Variants in NEBL observed in about 807,000 individuals in gnomAD.
NEBL encodes the protein nebulette.
A neutral mutation model predicts 140.2 loss-of-function variants in NEBL; 122 were observed. The ratio of observed to expected loss-of-function variants is 0.87; its 90% CI spans 0.75 to 1.01. The LOEUF is 1.01. Ranked by LOEUF, NEBL falls within the 50% of genes least tolerant of loss-of-function variation. The pLI, the probability that NEBL is intolerant of heterozygous loss-of-function variation, is 0.00. For synonymous variants in NEBL, 436 were observed against 398.9 expected (o/e 1.09, Z -1.11); for missense variants, 1,365 against 1,231.3 (o/e 1.11, Z -1.62).
At chr10:21,281,560 G>A (rs1445287295) in intron 1 of NEBL, among the ~76,000 whole-genome samples, 5 of 151,616 alleles carry the variant, frequency 3.3e-5, no homozygotes, top group African/African-American at 1.2e-4. Context: ...AATGTGCAGA[G>A]TTCCCGCACA....
intron 3 of NEBL, among the ~76,000 whole-genome samples, chr10:21,200,604 G>A (rs923614975): frequency 3.9e-5 from 6 of 152,100 alleles, no homozygotes; most frequent in Non-Finnish European, 8.8e-5. Context: ...GTGAGCCACC[G>A]CGCCCAACCC....
At chr10:21,192,570 C>T (rs532855847) in intron 3 of NEBL, among the ~76,000 whole-genome samples, 2 of 150,426 alleles carry the variant, frequency 1.3e-5, no homozygotes, top group Non-Finnish European at 3.0e-5. Context: ...TCTGGCCAGG[C>T]GTTGTGGCTC....
exon 1 of NEBL, chr10:21,174,083 T>A: frequency 3.9e-6 from 4 of 1,034,986 alleles, no homozygotes; most frequent in Non-Finnish European, 3.5e-6. Context: ...TCCGCGCCGC[T>A]GGCTCTGCGT....
intron 3 of NEBL, among the ~76,000 whole-genome samples, chr10:21,014,085 C>A (rs983202809): frequency 6.6e-6 from 1 of 152,066 alleles, no homozygotes; most frequent in African/African-American, 2.4e-5. Context: ...ATTCTCTCTG[C>A]AGGTCTTGTT....
Position 21,227,815 on chromosome 10 carries a change from GTTC to G in NEBL, n.348+20103_348+20105del, listed in dbSNP as rs764400473. ...CTTTCTTCTTCTTCTTCTTCTTCTT[GTTC>G]TTCTTCTTCTTTCTTCTTCTTCTTT... On this transcript the variant is annotated intron_variant and non_coding_transcript_variant, in intron 3 of 8. Transcript: ENST00000675702. 1.0e-3 allele frequency among the ~76,000 whole-genome samples: 130 copies of G among 124,960 alleles called. 1 individual carries two copies. The highest frequency in any genetic ancestry group is 2.7e-3 in the African/African-American group (88 of 32,132). 82.0% of individuals were successfully genotyped at this position (124,960 alleles called of 152,430 possible).
chr10:21,284,371 A>G (rs927482213), intron 1 of NEBL, among the ~76,000 whole-genome samples: 3 of 152,064 alleles, frequency 2.0e-5, no homozygotes, highest in African/African-American at 7.2e-5. Flanking sequence ...CACCGTCCCA[A>G]CTTGGCTCTT....
intron 2 of NEBL, among the ~76,000 whole-genome samples, chr10:21,152,027 G>C (rs1347826317): frequency 6.6e-6 from 1 of 152,174 alleles, no homozygotes; most frequent in Non-Finnish European, 1.5e-5. Flanking sequence ...CATAGGACAG[G>C]CTCTTTCAAT....
intron 2 of NEBL, among the ~76,000 whole-genome samples, chr10:21,059,066 G>T (rs2131872684): frequency 6.6e-6 from 1 of 152,302 alleles, no homozygotes; most frequent in Non-Finnish European, 1.5e-5. Context: ...TGATTTAAAA[G>T]ATTACATATT....
intron 3 of NEBL, among the ~76,000 whole-genome samples, chr10:21,019,300 C>T (rs952674328): frequency 2.0e-5 from 3 of 152,250 alleles, no homozygotes; most frequent in African/African-American, 7.2e-5. Context: ...TTAGTGCAAA[C>T]ATCAGAGAAA....
At chr10:21,085,307 A>G (rs372443132) in intron 2 of NEBL, among the ~76,000 whole-genome samples, 2 of 152,022 alleles carry the variant, frequency 1.3e-5, no homozygotes, top group African/African-American at 4.8e-5. Flanking sequence ...CCAATTGTGC[A>G]TTTTCAGTTA....
chr10:20,814,617 T>TACAC lies in NEBL; in HGVS notation c.2242-578_2242-575dup, dbSNP rs3990287. ...TGTCTCAAACACACACATACACACA[T>TACAC]ACACACACACACACACACACACAAC... On this transcript the variant is annotated intron_variant, in intron 22 of 27. Transcript: ENST00000377122. Among the ~76,000 whole-genome samples, 401 of 146,524 alleles carry TACAC rather than the reference T, an allele frequency of 2.7e-3. 3 individuals carry two copies. Among genetic ancestry groups the TACAC allele is most frequent in the Middle Eastern group, 0.017 (5 of 288 alleles).
In NEBL at chr10:21,289,310, C is replaced by T. The variant is rs116412939; in HGVS notation, n.182+3520G>A. ...TATGAGAGGAGCAACTCAGTATTCA[C>T]GGAGATCATGAAGGACTGTCCAGAA... On this transcript the variant is annotated intron_variant and non_coding_transcript_variant, in intron 1 of 8. Transcript: ENST00000675702. Among the ~76,000 whole-genome samples, 225 of 152,222 alleles carry T rather than the reference C, an allele frequency of 1.5e-3. 2 individuals carry two copies. Among genetic ancestry groups the T allele is most frequent in the African/African-American group, 4.9e-3 (203 of 41,542 alleles).
intron 3 of NEBL, among the ~76,000 whole-genome samples, chr10:20,989,208 G>A (rs1416162101): frequency 1.3e-5 from 2 of 152,112 alleles, no homozygotes; most frequent in South Asian, 2.1e-4. Context: ...CTTGTCTCTC[G>A]AGGCAGCCAA....
chr10:20,889,949 T>A lies in NEBL; in HGVS notation c.154A>T (p.Ile52Phe), dbSNP rs762385273. The change falls in exon 3 of 28, where the codon ATC becomes TTC. Residue 52 changes from isoleucine to phenylalanine, a missense_variant and splice_region_variant. Physicochemically the swap from Ile to Phe is conservative, Grantham distance 21. Transcript: ENST00000377122. ...TTTTTAAACTCTTCTTTATAACGGATCTAAAAAAGAGAATGATTTACATAA... is the reference window on the plus strand; with the variant it reads ...TTTTTAAACTCTTCTTTATAACGGAACTAAAAAAGAGAATGATTTACATAA... ...ARKCTELISDIRYKEEFKKSK... is the reference protein window; with the variant it reads ...ARKCTELISDFRYKEEFKKSK... 1 of 1,566,656 alleles carries A rather than the reference T, an allele frequency of 6.4e-7. No individual in the cohort carries two copies. The highest frequency in any genetic ancestry group is 1.4e-5 in the African/African-American group (1 of 73,788).
chr10:21,063,730 CA>C (rs1206510760), intron 2 of NEBL, among the ~76,000 whole-genome samples: 1 of 151,960 alleles, frequency 6.6e-6, no homozygotes, highest in African/African-American at 2.4e-5. Context: ...CCCAGTTCTA[CA>C]AAAAATTTTC....
chr10:21,179,861 G>A (rs1841360331), upstream of NEBL, among the ~76,000 whole-genome samples: 1 of 152,170 alleles, frequency 6.6e-6, no homozygotes, highest in African/African-American at 2.4e-5. Context: ...AAGGAGGCTG[G>A]GAGGGATGGC....
intron 4 of NEBL, among the ~76,000 whole-genome samples, chr10:20,961,031 T>C (rs1836026551): frequency 2.0e-5 from 3 of 152,210 alleles, no homozygotes. Context: ...CTTCATGTAA[T>C]ATTTTGGAAG....
chr10:21,026,005 C>A (rs1482669326), intron 2 of NEBL, among the ~76,000 whole-genome samples: 1 of 152,156 alleles, frequency 6.6e-6, no homozygotes, highest in African/African-American at 2.4e-5. Flanking sequence ...CTGTGTCTCA[C>A]GACCTTCATC....
intron 2 of NEBL, among the ~76,000 whole-genome samples, chr10:21,037,339 T>C (rs1458372738): frequency 6.6e-6 from 1 of 152,214 alleles, no homozygotes; most frequent in East Asian, 1.9e-4. Flanking sequence ...AGATAATTCA[T>C]GCATGAGAAC....
Sources: gnomAD v4.1 joint callset for allele counts (sites outside exome capture counted in the v4.1 genomes callset) on GRCh38, gnomAD v4.1.1 for gene constraint, MANE v1.5 for transcripts, NCBI Gene and HGNC (gene_info 2026-07-23, HGNC 2026-07-21) for gene names.